RNF103: variants seen among roughly 807,000 people sequenced by gnomAD.
RNF103 encodes the protein ring finger protein 103, also known as E3 ubiquitin-protein ligase RNF103.
Under a neutral mutation model 66.2 loss-of-function variants are expected in RNF103, and 23 were observed. The observed-to-expected ratio is 0.35, with a 90% CI of 0.25 to 0.49. The LOEUF (loss-of-function observed/expected upper bound fraction) is 0.49. Ranked by LOEUF, RNF103 falls within the 20% of genes least tolerant of loss-of-function variation. The pLI is 0.98. For synonymous variants in RNF103, 297 were observed against 289.9 expected (o/e 1.02, Z -0.25); for missense variants, 730 against 814.7 (o/e 0.90, Z 1.27).
At chr2:86,621,202 T>C (rs1235205392) in intron 1 of RNF103, among the ~76,000 whole-genome samples, 1 of 152,218 alleles carries the variant, frequency 6.6e-6, no homozygotes, top group Non-Finnish European at 1.5e-5. Flanking sequence ...AAACGTGTGA[T>C]TTGAGTCATA....
At chr2:86,620,201 AG>A in intron 2 of RNF103, 128 bp downstream of exon 2, 1 of 1,196,558 alleles carries the variant, frequency 8.4e-7, no homozygotes, top group African/African-American at 1.5e-5. Flanking sequence ...AGCCTCCCTA[AG>A]AGAACTGAGT....
chr2:86,618,563 A>G (rs1300578920), intron 2 of RNF103: 1 of 152,288 alleles, frequency 6.6e-6, no homozygotes, highest in Non-Finnish European at 1.5e-5. Context: ...ACCAGAATGT[A>G]TTTGTTGTCT....
Position 86,604,104 on chromosome 2 carries a change from G to T in RNF103, c.1797C>A (p.Asn599Lys), listed in dbSNP as rs763382114. Reference protein sequence around the residue: ...ERKGRSYGSYNTNEDMEPDWL... With the variant: ...ERKGRSYGSYKTNEDMEPDWL... ...AATCAGGTTCCATATCTTCATTAGT[G>T]TTATATGATCCATATGACCTCCCCT... The change falls in exon 4 of 4, where the codon AAC becomes AAA. Residue 599 changes from asparagine (N) to lysine (K), a missense_variant. Transcript: ENST00000237455. 1.2e-6 allele frequency: 2 copies of T among 1,613,564 alleles called. No homozygotes were observed. The highest frequency in any genetic ancestry group is 1.7e-6 in the Non-Finnish European group (2 of 1,180,032).
intron 1 of RNF103, 152 bp downstream of exon 1, chr2:86,622,509 A>G: frequency 2.9e-6 from 2 of 693,240 alleles, no homozygotes; most frequent in South Asian, 3.6e-5. Flanking sequence ...TGGGATCCGC[A>G]TACTTGATTG....
At chr2:86,605,502 C>T (rs1678512978) in intron 3 of RNF103, 84 bp from the exon 4 acceptor site, 1 of 1,387,414 alleles carries the variant, frequency 7.2e-7, no homozygotes, top group African/African-American at 1.5e-5. Flanking sequence ...TAGCACCTCA[C>T]CCCAAAGCCA....
chr2:86,604,427 G>A lies in RNF103; in HGVS notation c.1474C>T (p.Arg492Cys), dbSNP rs763935235. Residue 492 changes from arginine to cysteine, a missense_variant, in exon 4 of 4, where the codon CGC (arginine) becomes TGC (cysteine). By Grantham distance (180) the Arg-to-Cys change is radical. Transcript: ENST00000237455. ...AGCCAAAGGTCAGGGAAAGCTAAGC[G>A]CTCCAAGAATAAGTCAGGGTCTTCG... ...WDEDPDLFLE[R>C]LAFPDLWLHP... The A allele has an allele frequency of 3.1e-6, 5 of 1,614,198 alleles. No homozygotes were observed. Among genetic ancestry groups the A allele is most frequent in the Non-Finnish European group, 3.4e-6 (4 of 1,180,024 alleles).
At chr2:86,606,025 A>G (rs2104203406) in intron 3 of RNF103, among the ~76,000 whole-genome samples, 1 of 152,320 alleles carries the variant, frequency 6.6e-6, no homozygotes, top group South Asian at 2.1e-4. Context: ...CCTGACTGCT[A>G]CAAAGTAATC....
In RNF103 at chr2:86,619,764, C is replaced by T. The variant is rs1361678828; in HGVS notation, c.366+566G>A. Among the ~76,000 whole-genome samples, 3 of 152,160 alleles carry T rather than the reference C, an allele frequency of 2.0e-5. No individual in the cohort carries two copies. In the East Asian group the frequency reaches 5.8e-4, roughly 29 times the overall value. On this transcript the variant is annotated intron_variant, in intron 2 of 3. Transcript: ENST00000237455. ...ATCATAGCTCTAAAATTCTAATATGCTAATTAAGTCTCACAGTTTTGCTAT... is the reference window on the plus strand; with the variant it reads ...ATCATAGCTCTAAAATTCTAATATGTTAATTAAGTCTCACAGTTTTGCTAT...
chr2:86,609,698 A>T (rs1285499871), intron 3 of RNF103, among the ~76,000 whole-genome samples: 1 of 152,000 alleles, frequency 6.6e-6, no homozygotes, highest in Non-Finnish European at 1.5e-5. Flanking sequence ...GTATTCTTAT[A>T]CAGCAACACA....
At position 86,603,879 on chromosome 2, in the gene RNF103, T is replaced by C; in HGVS notation, c.2022A>G (p.Ala674=). The change falls in exon 4 of 4, where the codon GCA becomes GCG. Residue 674 remains alanine (A), a synonymous_variant. Coordinates refer to ENST00000237455, the MANE Select transcript of RNF103 (RefSeq NM_005667.4). ...CATCATTTGACAAGGGCTGGTGTTG[T>C]GCATATGGCTGCTTTTTTTTATAAG... ...WPSYKKKQPY[A]QHQPLSNDVP... is the part of the protein sequence containing the mutation. The C allele has an allele frequency of 6.2e-7, 1 of 1,614,060 alleles. No homozygotes were observed. Among genetic ancestry groups the C allele is most frequent in the Non-Finnish European group, 8.5e-7 (1 of 1,179,962 alleles).
At chr2:86,614,983 A>T (rs1678961986) in intron 2 of RNF103, 2 of 985,268 alleles carry the variant, frequency 2.0e-6, no homozygotes, top group Non-Finnish European at 2.4e-6. Flanking sequence ...TTTAGTTCCT[A>T]AGTCTGGAGG....
Position 86,620,404 on chromosome 2 carries a change from T to C in RNF103, c.292A>G (p.Ser98Gly), listed in dbSNP as rs778171075. 3.1e-6 allele frequency: 5 copies of C among 1,606,220 alleles called. No individual in the cohort carries two copies. In the South Asian group the frequency reaches 5.5e-5, roughly 18 times the overall value. Residue 98 changes from serine to glycine, a missense_variant, in exon 2 of 4, where the codon AGT becomes GGT. Physicochemically the swap from Ser to Gly is moderately conservative, Grantham distance 56. Coordinates refer to ENST00000237455, the MANE Select transcript of RNF103 (RefSeq NM_005667.4). ...TGCATTTCACCACTGAAATTGGTAC[T>C]AGAAACCGATTCGGATGCTTCTTCT... ...KEEEASESVS[S>G]TNFSGEMHFY...
intron 2 of RNF103, chr2:86,617,008 A>G: frequency 4.1e-6 from 4 of 985,260 alleles, no homozygotes; most frequent in Non-Finnish European, 4.8e-6. Flanking sequence ...ATGAATAGCT[A>G]ATGAAAGATA....
At chr2:86,619,366 T>C (rs308901) in intron 2 of RNF103, among the ~76,000 whole-genome samples, 114,058 of 152,072 alleles carry the variant, frequency 0.75, 43,099 homozygotes, top group East Asian at 0.93. Flanking sequence ...TGTGAAATGA[T>C]AAGAGTACCA....
Position 86,622,761 on chromosome 2 carries a change from C to G in RNF103, c.126G>C (p.Ala42=). The G allele has an allele frequency of 6.2e-7, 1 of 1,614,138 alleles. No homozygotes were observed. Among genetic ancestry groups the G allele is most frequent in the South Asian group, 1.1e-5 (1 of 91,080 alleles). ...IFATQLVDPV[A]LSFKKLKTIL... is the part of the protein sequence containing the mutation. ...TGGTCTTCAGCTTCTTGAAGCTCAG[C>G]GCCACCGGATCCACCAGCTGGGTGG... The change falls in exon 1 of 4, where the codon GCG becomes GCC. Residue 42 remains alanine, a synonymous_variant. Coordinates refer to ENST00000237455, the MANE Select transcript of RNF103 (RefSeq NM_005667.4).
intron 3 of RNF103, among the ~76,000 whole-genome samples, chr2:86,606,820 T>TA (rs987334583): frequency 6.6e-6 from 1 of 152,136 alleles, no homozygotes; most frequent in Non-Finnish European, 1.5e-5. Flanking sequence ...CCCTGTCACC[T>TA]AGGCTGGAGT....
rs558901998 is a variant in RNF103 at position 86,620,466 on chromosome 2, T to C, written c.230A>G (p.Asp77Gly). 3.2e-6 allele frequency: 5 copies of C among 1,571,270 alleles called. No individual in the cohort carries two copies. The highest frequency in any genetic ancestry group is 4.3e-6 in the Non-Finnish European group (5 of 1,151,962). Residue 77 changes from aspartate to glycine, a missense_variant, in exon 2 of 4, where the codon GAC becomes GGC. Transcript: ENST00000237455. ...DVRELVEKSG[D>G]LMEGELYSAL... ...AGAATAGAGCTCACCCTCCATCAAG[T>C]CACCTGAAGAAAGGAAAAGAATAAC... is the stretch of plus-strand genomic sequence containing the variant.
At chr2:86,608,483 T>A (rs1430343756) in intron 3 of RNF103, among the ~76,000 whole-genome samples, 2 of 87,722 alleles carry the variant, frequency 2.3e-5, no homozygotes, top group Non-Finnish European at 4.0e-5. Flanking sequence ...TGAGACTCCA[T>A]CTCAAAAAAA....
At chr2:86,614,117 T>C (rs951430645) in intron 2 of RNF103, 2 of 152,124 alleles carry the variant, frequency 1.3e-5, no homozygotes, top group Non-Finnish European at 2.9e-5. Context: ...TACTTTTTAA[T>C]GAAAATAAGT....
Sources: allele counts gnomAD v4.1 joint callset (sites outside exome capture counted in the v4.1 genomes callset), GRCh38; gene constraint gnomAD v4.1.1; transcripts MANE v1.5; gene names NCBI Gene and HGNC (gene_info 2026-07-23, HGNC 2026-07-21).